The following AUTS2 variants were observed in gnomAD, a reference collection of about 807,000 sequenced individuals.
AUTS2 encodes the protein activator of transcription and developmental regulator AUTS2.
In AUTS2, 17 loss-of-function variants were observed where a neutral mutation model predicts 112.4. The ratio of observed to expected loss-of-function variants is 0.15; its 90% CI spans 0.10 to 0.23. The LOEUF is 0.23. Among genes scored for constraint, AUTS2 ranks in the 10% least tolerant of loss-of-function variants. The probability of loss-of-function intolerance (pLI) is 1.00; values close to 1 mark genes in which losing one functional copy is unlikely to be tolerated. For synonymous variants in AUTS2, 751 were observed against 702.7 expected (o/e 1.07, Z -1.09); for missense variants, 1,510 against 1,701.6 (o/e 0.89, Z 1.98).
At chr7:70,254,649 C>T (rs1392534195) in intron 4 of AUTS2, among the ~76,000 whole-genome samples, 1 of 152,180 alleles carries the variant, frequency 6.6e-6, no homozygotes, top group African/African-American at 2.4e-5. Context: ...TTCTATAAAA[C>T]TTTCCTTTAC....
At chr7:70,171,325 T>A (rs908601819) in intron 4 of AUTS2, among the ~76,000 whole-genome samples, 1 of 152,356 alleles carries the variant, frequency 6.6e-6, no homozygotes, top group African/African-American at 2.4e-5. Flanking sequence ...TGACTGTGTT[T>A]GCCCACCTGT....
intron 6 of AUTS2, among the ~76,000 whole-genome samples, chr7:70,735,496 G>A (rs780097504): frequency 6.6e-6 from 1 of 152,158 alleles, no homozygotes; most frequent in Non-Finnish European, 1.5e-5. Context: ...CGGATGTTCC[G>A]AAGAATGCAT....
intron 4 of AUTS2, among the ~76,000 whole-genome samples, chr7:70,157,095 A>C (rs1807820034): frequency 6.6e-6 from 1 of 151,488 alleles, no homozygotes; most frequent in Non-Finnish European, 1.5e-5. Flanking sequence ...AAAAAAAGCA[A>C]GTGAAATTGA....
chr7:69,860,442 C>A (rs780945133), intron 1 of AUTS2, among the ~76,000 whole-genome samples: 4 of 152,084 alleles, frequency 2.6e-5, no homozygotes, highest in Non-Finnish European at 5.9e-5. Flanking sequence ...ATGTGTGTGT[C>A]CTTTCATGTC....
At chr7:69,607,094 C>G (rs1792772180) in intron 1 of AUTS2, among the ~76,000 whole-genome samples, 1 of 152,114 alleles carries the variant, frequency 6.6e-6, no homozygotes, top group Non-Finnish European at 1.5e-5. Context: ...AGTGAGTTTT[C>G]TAGAATTTGA....
chr7:70,313,688 C>T (rs777466591), intron 4 of AUTS2, among the ~76,000 whole-genome samples: 18 of 152,300 alleles, frequency 1.2e-4, no homozygotes, highest in African/African-American at 7.2e-5. Context: ...CCATCAGCCA[C>T]GGACCCGCCG....
chr7:70,283,224 A>T (rs117551801), intron 4 of AUTS2, among the ~76,000 whole-genome samples: 1,615 of 152,330 alleles, frequency 0.011, 7 homozygotes, highest in Non-Finnish European at 0.017. Flanking sequence ...TGGAGAAAAT[A>T]GCAATAGTTT....
Position 70,631,310 on chromosome 7 carries a change from C to T in AUTS2, c.691-67259C>T, listed in dbSNP as rs1222182018. Among the ~76,000 whole-genome samples the T allele has an allele frequency of 6.6e-6, 1 of 152,114 alleles. No homozygotes were observed. Among genetic ancestry groups the T allele is most frequent in the South Asian group, 2.1e-4 (1 of 4,826 alleles). ...CTGCGGGCTGGCCGGGCTGCTGGCT[C>T]GCCTTGAAGAGAACACCAGGGCAGG... On this transcript the variant is annotated intron_variant, in intron 5 of 18. Transcript: ENST00000342771. This position sits in a 1 kb window ranked among gnomAD's most constrained non-coding sequence, Gnocchi z 4.5.
intron 6 of AUTS2, among the ~76,000 whole-genome samples, chr7:70,722,982 T>C (rs1365923473): frequency 6.6e-6 from 1 of 152,212 alleles, no homozygotes. Context: ...AAATTTAATT[T>C]GTTCCCAGAT....
intron 4 of AUTS2, among the ~76,000 whole-genome samples, chr7:70,249,876 A>G (rs919903130): frequency 3.1e-5 from 4 of 127,572 alleles, no homozygotes; most frequent in Non-Finnish European, 6.7e-5. Flanking sequence ...TTTAAGTAAA[A>G]TATTTTAAGT....
chr7:70,337,590 AT>A (rs1431114562), intron 4 of AUTS2, among the ~76,000 whole-genome samples: 1 of 152,306 alleles, frequency 6.6e-6, no homozygotes, highest in African/African-American at 2.4e-5. Flanking sequence ...GAATAAATGC[AT>A]TTTTTAAAGG....
chr7:69,921,734 C>G (rs1439955437), intron 2 of AUTS2, among the ~76,000 whole-genome samples: 2 of 144,662 alleles, frequency 1.4e-5, no homozygotes, highest in Admixed American at 1.4e-4. Context: ...TGCACTGTAG[C>G]CTGTGCAACA....
chr7:70,209,042 T>C (rs1810721931), intron 4 of AUTS2, among the ~76,000 whole-genome samples: 1 of 152,144 alleles, frequency 6.6e-6, no homozygotes, highest in African/African-American at 2.4e-5. Context: ...ACACTGTGAC[T>C]GTTGTGTGGA....
intron 4 of AUTS2, among the ~76,000 whole-genome samples, chr7:70,315,506 C>A (rs1789952455): frequency 6.6e-6 from 1 of 152,150 alleles, no homozygotes; most frequent in African/African-American, 2.4e-5. Flanking sequence ...CCTGTCTTTC[C>A]CCTCTTCCCA....
chr7:70,084,808 GTTGT>G (rs1353284269), intron 2 of AUTS2, among the ~76,000 whole-genome samples: 17 of 152,222 alleles, frequency 1.1e-4, no homozygotes, highest in African/African-American at 1.2e-4. Flanking sequence ...CTTCCAGTGT[GTTGT>G]TTGTCTTTTT....
chr7:70,163,355 G>GA (rs1308660234), intron 4 of AUTS2, among the ~76,000 whole-genome samples: 6 of 84,724 alleles, frequency 7.1e-5, no homozygotes, highest in Non-Finnish European at 1.4e-4. Context: ...GGGGGGGGGG[G>GA]GGGCAGAGGG....
intron 1 of AUTS2, among the ~76,000 whole-genome samples, chr7:69,743,011 A>C (rs558933078): frequency 6.6e-6 from 1 of 152,302 alleles, no homozygotes; most frequent in South Asian, 2.1e-4. Context: ...GGCCTTCTGC[A>C]GAGTTGGTGG....
At chr7:70,130,545 G>C (rs994660771) in intron 3 of AUTS2, among the ~76,000 whole-genome samples, 1 of 152,106 alleles carries the variant, frequency 6.6e-6, no homozygotes, top group Non-Finnish European at 1.5e-5. Context: ...TCTTTCAACT[G>C]TGCATCCCAT....
At chr7:70,297,625 G>A (rs1381313492) in intron 4 of AUTS2, among the ~76,000 whole-genome samples, 1 of 151,586 alleles carries the variant, frequency 6.6e-6, no homozygotes, top group Admixed American at 6.6e-5. Context: ...TAGTAGAGAT[G>A]GGGTTTCACC....
Sources: allele counts gnomAD v4.1 joint callset (sites outside exome capture counted in the v4.1 genomes callset), GRCh38; gene constraint gnomAD v4.1.1; non-coding constraint Gnocchi (gnomAD v3.1); transcripts MANE v1.5; gene names NCBI Gene and HGNC (gene_info 2026-07-23, HGNC 2026-07-21).